TJP2: variants seen among roughly 807,000 people sequenced by gnomAD.
The protein encoded by TJP2 is tight junction protein 2, also known as Friedreich ataxia region gene X104 (tight junction protein ZO-2).
A neutral mutation model predicts 133.1 loss-of-function variants in TJP2; 91 were observed. The ratio of observed to expected loss-of-function variants is 0.68; its 90% CI spans 0.58 to 0.81. The LOEUF is 0.81. Among genes scored for constraint, TJP2 ranks in the 40% least tolerant of loss-of-function variants. The pLI is 0.00. For missense variants in TJP2, 1,541 were observed against 1,565.6 expected, an observed-to-expected ratio of 0.98 and a Z score of 0.26; for synonymous variants, 592 against 583.4, an observed-to-expected ratio of 1.01 and a Z score of -0.21.
chr9:69,202,618 G>A (rs1483953790), intron 1 of TJP2, among the ~76,000 whole-genome samples: 1 of 152,176 alleles, frequency 6.6e-6, no homozygotes, highest in Non-Finnish European at 1.5e-5. Flanking sequence ...AGTAAAGTAA[G>A]CTAGGGAAGA....
intron 1 of TJP2, among the ~76,000 whole-genome samples, chr9:69,148,960 C>G (rs990739817): frequency 6.6e-6 from 1 of 152,122 alleles, no homozygotes; most frequent in Non-Finnish European, 1.5e-5. Flanking sequence ...ACCTAAAATA[C>G]CCAGCCACCT....
chr9:69,151,916 T>A, intron 2 of TJP2: 1 of 820,056 alleles, frequency 1.2e-6, no homozygotes, highest in East Asian at 3.4e-5. Context: ...GAAAATTTAA[T>A]GGTAATGTCC....
chr9:69,238,607 C>A, intron 15 of TJP2, 103 bp from the exon 16 acceptor site: 1 of 869,896 alleles, frequency 1.1e-6, no homozygotes. Flanking sequence ...TGTTAGGAGA[C>A]ACTTAATGTC....
chr9:69,145,776 C>A, intron 1 of TJP2: 1 of 1,232,042 alleles, frequency 8.1e-7, no homozygotes, highest in Non-Finnish European at 1.0e-6. Flanking sequence ...AAGAGAACTT[C>A]TACCTGAGAG....
Position 69,254,555 on chromosome 9 carries a change from CTGTT to C in TJP2, c.*185_*188del, listed in dbSNP as rs1563967704. ...TGGTGCAAATTCAGAACTGAGGGCT[CTGTT>C]TGTGGGACTGGGTTAGAGGAGTCTG... is the stretch of plus-strand genomic sequence containing the variant. On this transcript the variant is annotated 3_prime_UTR_variant, in exon 23 of 23. Transcript: ENST00000377245. 2.1e-5 allele frequency: 16 copies of C among 768,622 alleles called. No homozygotes were observed. The South Asian group carries it at 2.5e-4, about 12-fold the overall frequency. 47.6% of individuals were successfully genotyped at this position (768,622 alleles called of 1,614,324 possible).
intron 17 of TJP2, among the ~76,000 whole-genome samples, chr9:69,244,104 A>G (rs941575101): frequency 6.6e-6 from 1 of 150,942 alleles, no homozygotes; most frequent in African/African-American, 2.4e-5. Context: ...GGATCACTTA[A>G]GCCCGGGAGC....
chr9:69,197,158 G>A (rs890778259), intron 1 of TJP2, among the ~76,000 whole-genome samples: 1 of 152,040 alleles, frequency 6.6e-6, no homozygotes, highest in African/African-American at 2.4e-5. Context: ...TAGAGATGGG[G>A]TTTTACCAGG....
chr9:69,203,494 A>G lies in TJP2; in HGVS notation c.61-9054A>G, dbSNP rs1464183271. 2.0e-5 allele frequency among the ~76,000 whole-genome samples: 3 copies of G among 149,754 alleles called. No individual in the cohort carries two copies. In the Admixed American group the frequency reaches 2.0e-4, roughly 10 times the overall value. ...TTTGTGTGTGTTTTTAGTAGAGACGAGGTTTCAACATGTTGGCCAGGCTGG... is the reference window on the plus strand; with the variant it reads ...TTTGTGTGTGTTTTTAGTAGAGACGGGGTTTCAACATGTTGGCCAGGCTGG... On this transcript the variant is annotated intron_variant, in intron 1 of 22. Transcript: ENST00000377245.
Position 69,230,100 on chromosome 9 carries a change from A to T in TJP2, c.1539A>T (p.Val513=), listed in dbSNP as rs1829656554. ...ATTGCAGCCCTAATACCAAAATGGT[A>T]AGGTTCAAGAAGGGAGACAGCGTGG... ...EAIYGPNTKM[V]RFKKGDSVGL... Residue 513 remains valine, a synonymous_variant, in exon 11 of 23, where the codon GTA becomes GTT. Coordinates refer to ENST00000377245, the MANE Select transcript of TJP2 (RefSeq NM_004817.4). The T allele has an allele frequency of 1.1e-5, 17 of 1,614,180 alleles. No homozygotes were observed. The South Asian group carries it at 1.5e-4, about 15-fold the overall frequency.
intron 16 of TJP2, 23 bp downstream of exon 16, chr9:69,238,812 C>T (rs750705578): frequency 1.5e-5 from 23 of 1,571,914 alleles, no homozygotes; most frequent in Middle Eastern, 1.7e-4. Context: ...ATCCACAGAC[C>T]GTGTTTTCAG....
At chr9:69,250,884 G>T in intron 20 of TJP2, 151 bp from the exon 21 acceptor site, 1 of 863,726 alleles carries the variant, frequency 1.2e-6, no homozygotes, top group Non-Finnish European at 1.9e-6. Flanking sequence ...GCCAGTGGCT[G>T]TTTGCCCTGC....
At chr9:69,197,067 C>G (rs1431051865) in intron 1 of TJP2, among the ~76,000 whole-genome samples, 2 of 151,946 alleles carry the variant, frequency 1.3e-5, no homozygotes, top group East Asian at 1.9e-4. Context: ...CTCCCCAGTT[C>G]AAGTGATTAT....
At chr9:69,240,279 C>A (rs1830493457) in intron 17 of TJP2, 132 bp downstream of exon 17, 6 of 947,362 alleles carry the variant, frequency 6.3e-6, no homozygotes, top group African/African-American at 1.7e-5. Context: ...AATAGTTAAT[C>A]CTATAAAATG....
At chr9:69,241,706 T>C (rs990701816) in intron 17 of TJP2, among the ~76,000 whole-genome samples, 7 of 152,216 alleles carry the variant, frequency 4.6e-5, no homozygotes, top group Non-Finnish European at 1.0e-4. Context: ...ATTACTATTA[T>C]AGCAACAGTA....
In TJP2 at chr9:69,220,960, C is replaced by T; in HGVS notation, c.416C>T (p.Ala139Val). The T allele has an allele frequency of 6.2e-7, 1 of 1,612,812 alleles. No homozygotes were observed. The highest frequency in any genetic ancestry group is 1.1e-5 in the South Asian group (1 of 90,970). The change falls in exon 5 of 23, where the codon GCT (alanine) becomes GTT (valine). Residue 139 changes from alanine (A) to valine (V), a missense_variant. Physicochemically the swap from Ala to Val is moderately conservative, Grantham distance 64. Transcript: ENST00000377245. Reference sequence around the variant, plus strand: ...CCTCCCCTGGATCAGGATGACCGGGCTTTTGAGGTGATGGACGAGTTTGAT... The same window carrying T: ...CCTCCCCTGGATCAGGATGACCGGGTTTTTGAGGTGATGGACGAGTTTGAT... ...ASPPLDQDDR[A>V]FEVMDEFDGR... is the part of the protein sequence containing the mutation.
intron 2 of TJP2, among the ~76,000 whole-genome samples, chr9:69,156,305 G>A (rs374630509): frequency 2.0e-5 from 3 of 152,072 alleles, no homozygotes; most frequent in South Asian, 2.1e-4. Context: ...CAGAGGTTGC[G>A]GTGAGCTGAG....
chr9:69,167,371 C>T (rs937784894), intron 2 of TJP2, among the ~76,000 whole-genome samples: 9 of 152,156 alleles, frequency 5.9e-5, no homozygotes, highest in South Asian at 2.1e-4. Context: ...CACCTAATGT[C>T]GAAGACAGGT....
chr9:69,147,381 T>C (rs1823258458), intron 1 of TJP2, among the ~76,000 whole-genome samples: 1 of 152,142 alleles, frequency 6.6e-6, no homozygotes, highest in African/African-American at 2.4e-5. Context: ...TGATTAGGGA[T>C]GTTTGTTCTG....
intron 1 of TJP2, among the ~76,000 whole-genome samples, chr9:69,206,322 C>T (rs1020303742): frequency 1.3e-5 from 2 of 152,104 alleles, no homozygotes; most frequent in South Asian, 4.2e-4. Context: ...ACCTGCGTCC[C>T]CACTCTGCCC....
Sources: gnomAD v4.1 joint callset for allele counts (sites outside exome capture counted in the v4.1 genomes callset) on GRCh38, gnomAD v4.1.1 for gene constraint, MANE v1.5 for transcripts, NCBI Gene and HGNC (gene_info 2026-07-23, HGNC 2026-07-21) for gene names.